Variants in NDST4 observed in about 807,000 individuals in gnomAD.
The protein encoded by NDST4 is N-heparan sulfate sulfotransferase 4.
In NDST4, 63 loss-of-function variants were observed where a neutral mutation model predicts 100.8. The observed-to-expected ratio is 0.62, with a 90% CI of 0.51 to 0.77. NDST4 has a LOEUF of 0.77. Ranked by LOEUF, NDST4 falls within the 30% of genes least tolerant of loss-of-function variation. The pLI, the probability that NDST4 is intolerant of heterozygous loss-of-function variation, is 0.00. For missense variants in NDST4, 943 were observed against 1,018.4 expected (o/e 0.93, Z 1.01); for synonymous variants, 377 against 361.8 (o/e 1.04, Z -0.48).
intron 4 of NDST4, among the ~76,000 whole-genome samples, chr4:114,963,469 T>C (rs189391364): frequency 2.6e-5 from 4 of 152,154 alleles, no homozygotes; most frequent in Non-Finnish European, 4.4e-5. Context: ...GGTACTTTTT[T>C]AAAATGAGTT....
chr4:115,086,669 T>C (rs905175902), intron 1 of NDST4, among the ~76,000 whole-genome samples: 2 of 151,988 alleles, frequency 1.3e-5, no homozygotes, highest in Non-Finnish European at 2.9e-5. Context: ...AATAGAAGAG[T>C]AAATGTCAGG....
chr4:115,053,917 T>C (rs1270007623), intron 2 of NDST4, among the ~76,000 whole-genome samples: 1 of 152,044 alleles, frequency 6.6e-6, no homozygotes, highest in Non-Finnish European at 1.5e-5. Context: ...AAGGGTTATT[T>C]TTTGTTTAGT....
At chr4:114,879,418 G>A (rs1464017327) in intron 6 of NDST4, among the ~76,000 whole-genome samples, 3 of 152,124 alleles carry the variant, frequency 2.0e-5, no homozygotes, top group Admixed American at 6.6e-5. Context: ...CTCAAGGGTA[G>A]TATGATGAGG....
At chr4:114,973,500 A>G (rs913744376) in intron 3 of NDST4, among the ~76,000 whole-genome samples, 3 of 151,954 alleles carry the variant, frequency 2.0e-5, no homozygotes, top group Non-Finnish European at 4.4e-5. Context: ...CTAGATAATT[A>G]TTAATGAAAA....
chr4:114,953,134 T>C (rs948038508), intron 4 of NDST4, among the ~76,000 whole-genome samples: 1 of 151,850 alleles, frequency 6.6e-6, no homozygotes, highest in African/African-American at 2.4e-5. Flanking sequence ...ACATGGCAGC[T>C]TGTGAGTTCT....
In NDST4 at chr4:114,845,621, A is replaced by G. The variant is rs146659287; in HGVS notation, c.2115+202T>C. 8.0e-3 allele frequency among the ~76,000 whole-genome samples: 1,212 copies of G among 152,258 alleles called. 10 individuals are homozygous for G. The highest frequency in any genetic ancestry group is 1.0e-2 in the South Asian group (48 of 4,814). On this transcript the variant is annotated intron_variant, in intron 10 of 13. Transcript: ENST00000264363. The stretch of plus-strand genomic sequence containing the variant: ...GTGATGTGTGAGTTTTTAAATAATT[A>G]TTTTATGCCTGAAAGTCCTTGCCCA...
chr4:114,879,064 G>T (rs1001312016), intron 6 of NDST4, among the ~76,000 whole-genome samples: 3 of 152,006 alleles, frequency 2.0e-5, no homozygotes, highest in South Asian at 2.1e-4. Context: ...AATAATAATT[G>T]TATATATTTA....
intron 4 of NDST4, 44 bp downstream of exon 4, chr4:114,970,386 T>A: frequency 6.4e-7 from 1 of 1,561,026 alleles, no homozygotes; most frequent in Non-Finnish European, 8.7e-7. Flanking sequence ...CACCACAAGA[T>A]CACAACTTAT....
chr4:115,015,626 G>T (rs938195938), intron 2 of NDST4, among the ~76,000 whole-genome samples: 5 of 151,976 alleles, frequency 3.3e-5, no homozygotes, highest in Admixed American at 2.0e-4. Context: ...CCATATGAAC[G>T]TTCACTAAAG....
chr4:114,961,418 A>G (rs562787354), intron 4 of NDST4, among the ~76,000 whole-genome samples: 1 of 152,166 alleles, frequency 6.6e-6, no homozygotes, highest in Admixed American at 6.5e-5. Context: ...AAATTTGGTT[A>G]TTTGACATGA....
intron 2 of NDST4, among the ~76,000 whole-genome samples, chr4:115,016,563 T>C (rs1727681043): frequency 6.6e-6 from 1 of 152,116 alleles, no homozygotes; most frequent in South Asian, 2.1e-4. Context: ...CTTGACCACT[T>C]TGGCTTTCTA....
At chr4:115,076,025 T>G in intron 2 of NDST4, 34 bp downstream of exon 2, 1 of 1,557,464 alleles carries the variant, frequency 6.4e-7, no homozygotes, top group East Asian at 2.3e-5. Context: ...TATTGTGAAA[T>G]ACAAATTTCG....
At chr4:115,028,799 G>A (rs1728045402) in intron 2 of NDST4, among the ~76,000 whole-genome samples, 1 of 152,096 alleles carries the variant, frequency 6.6e-6, no homozygotes, top group Non-Finnish European at 1.5e-5. Flanking sequence ...ATTACATTGG[G>A]TGAGAACTGA....
chr4:114,960,202 A>C (rs1180751326), intron 4 of NDST4, among the ~76,000 whole-genome samples: 1 of 152,274 alleles, frequency 6.6e-6, no homozygotes, highest in Non-Finnish European at 1.5e-5. Context: ...AAATACATTC[A>C]CAGATATATC....
At chr4:115,061,103 T>C (rs560560585) in intron 2 of NDST4, among the ~76,000 whole-genome samples, 2 of 152,054 alleles carry the variant, frequency 1.3e-5, no homozygotes, top group Admixed American at 6.6e-5. Context: ...GAAATGCAAA[T>C]CAAAACCACA....
chr4:114,831,297 C>T (rs1041121864), intron 12 of NDST4, among the ~76,000 whole-genome samples: 3 of 151,980 alleles, frequency 2.0e-5, no homozygotes, highest in African/African-American at 7.3e-5. Flanking sequence ...CATGATCCAC[C>T]CGCCTCGGCC....
chr4:114,978,954 T>C (rs1266567264), intron 2 of NDST4, among the ~76,000 whole-genome samples: 1 of 152,134 alleles, frequency 6.6e-6, no homozygotes, highest in Non-Finnish European at 1.5e-5. Flanking sequence ...TAGCTAAGTG[T>C]CTGGCAAGTA....
In NDST4 at chr4:114,844,603, C is replaced by A. The variant is rs78499966; in HGVS notation, c.2115+1220G>T. ...TTCTTACACAATGCTTTCAGAGAAC[C>A]TTTACATACTTCCTCACAGTACATT... is the stretch of plus-strand genomic sequence containing the variant. On this transcript the variant is annotated intron_variant, in intron 10 of 13. Coordinates refer to ENST00000264363, the MANE Select transcript of NDST4 (RefSeq NM_022569.3). Among the ~76,000 whole-genome samples, 899 of 152,270 alleles carry A rather than the reference C, an allele frequency of 5.9e-3. 8 individuals are homozygous for A. The highest frequency in any genetic ancestry group is 0.021 in the African/African-American group (864 of 41,550).
chr4:115,077,800 T>C (rs1729219289), intron 1 of NDST4, among the ~76,000 whole-genome samples: 1 of 152,182 alleles, frequency 6.6e-6, no homozygotes, highest in Non-Finnish European at 1.5e-5. Flanking sequence ...TAATATATCC[T>C]TTATCTGGAC....
Sources: gnomAD v4.1 joint callset for allele counts (sites outside exome capture counted in the v4.1 genomes callset) on GRCh38, gnomAD v4.1.1 for gene constraint, MANE v1.5 for transcripts, NCBI Gene and HGNC (gene_info 2026-07-23, HGNC 2026-07-21) for gene names.